Variants in CTNNA3 observed in about 807,000 individuals in gnomAD.
CTNNA3 encodes catenin alpha-3.
A neutral mutation model predicts 95.7 loss-of-function variants in CTNNA3; 76 were observed. The ratio of observed to expected loss-of-function variants is 0.79; its 90% CI spans 0.66 to 0.96. The LOEUF (loss-of-function observed/expected upper bound fraction) is 0.96. Among genes scored for constraint, CTNNA3 ranks in the 40% least tolerant of loss-of-function variants. CTNNA3 has a pLI of 0.00. For synonymous variants in CTNNA3, 431 were observed against 374.4 expected, an observed-to-expected ratio of 1.15 and a Z score of -1.74; for missense variants, 1,191 against 1,089.8, an observed-to-expected ratio of 1.09 and a Z score of -1.31.
intron 13 of CTNNA3, among the ~76,000 whole-genome samples, chr10:66,271,379 T>A (rs1454518623): frequency 6.6e-6 from 1 of 152,210 alleles, no homozygotes; most frequent in Non-Finnish European, 1.5e-5. Flanking sequence ...AGAAACTTTA[T>A]GTTTGAAGAG....
intron 13 of CTNNA3, among the ~76,000 whole-genome samples, chr10:66,116,917 C>A (rs944105315): frequency 1.3e-5 from 2 of 152,080 alleles, no homozygotes; most frequent in South Asian, 4.1e-4. Flanking sequence ...GGGGGAAGTC[C>A]GCACACACGA....
chr10:66,441,061 C>T (rs2093372050), intron 11 of CTNNA3, among the ~76,000 whole-genome samples: 1 of 152,096 alleles, frequency 6.6e-6, no homozygotes, highest in Non-Finnish European at 1.5e-5. Context: ...GGGTTGGGTG[C>T]CATGGCTCAC....
rs559938624 is a variant in CTNNA3 at position 66,943,673 on chromosome 10, G to A, written c.1048-168149C>T. ...AAACATGCTACTTAAACATAGTTTT[G>A]TACTTTTGTACAGCAGGGGAAAACA... On this transcript the variant is annotated intron_variant, in intron 7 of 17. Coordinates refer to ENST00000433211, the MANE Select transcript of CTNNA3 (RefSeq NM_013266.4). Among the ~76,000 whole-genome samples the A allele has an allele frequency of 3.3e-5, 5 of 152,112 alleles. No homozygotes were observed. In the East Asian group the frequency reaches 9.7e-4, roughly 29 times the overall value.
intron 5 of CTNNA3, among the ~76,000 whole-genome samples, chr10:67,240,660 A>G (rs2132330654): frequency 6.6e-6 from 1 of 152,288 alleles, no homozygotes; most frequent in South Asian, 2.1e-4. Context: ...AAACTGAGAA[A>G]CCATATCATA....
At chr10:65,933,529 A>C (rs1392855225) in intron 17 of CTNNA3, among the ~76,000 whole-genome samples, 1 of 152,176 alleles carries the variant, frequency 6.6e-6, no homozygotes. Flanking sequence ...CTGCATGTGA[A>C]TGTGCATCAT....
At chr10:67,047,352 G>A (rs1175219506) in intron 7 of CTNNA3, among the ~76,000 whole-genome samples, 2 of 152,186 alleles carry the variant, frequency 1.3e-5, no homozygotes, top group Non-Finnish European at 1.5e-5. Flanking sequence ...GGAGGAGACT[G>A]TGTCTGTTAA....
rs573698410 is a variant in CTNNA3, at chr10:66,497,539, C to T, written c.1531+23078G>A. On this transcript the variant is annotated intron_variant, in intron 11 of 17. Coordinates refer to ENST00000433211, the MANE Select transcript of CTNNA3 (RefSeq NM_013266.4). Reference sequence around the variant, plus strand: ...GCTAATTTTTCATTTAATTATAATTCATTTCACCATATTGAGATAACTGTA... The same window carrying T: ...GCTAATTTTTCATTTAATTATAATTTATTTCACCATATTGAGATAACTGTA... 5.3e-5 allele frequency among the ~76,000 whole-genome samples: 8 copies of T among 151,982 alleles called. No individual in the cohort carries two copies. The South Asian group carries it at 1.0e-3, about 20-fold the overall frequency.
At chr10:66,480,735 G>A (rs902042705) in intron 11 of CTNNA3, among the ~76,000 whole-genome samples, 2 of 152,074 alleles carry the variant, frequency 1.3e-5, no homozygotes, top group African/African-American at 2.4e-5. Flanking sequence ...CTCCTGAGTA[G>A]CTGGGACTAC....
intron 10 of CTNNA3, among the ~76,000 whole-genome samples, chr10:66,611,922 T>C (rs1476920507): frequency 6.6e-6 from 1 of 152,188 alleles, no homozygotes. Context: ...CACATCTATA[T>C]GAATGGTCAC....
chr10:66,681,243 G>T (rs1847057683), intron 9 of CTNNA3, among the ~76,000 whole-genome samples: 1 of 152,246 alleles, frequency 6.6e-6, no homozygotes, highest in Admixed American at 6.5e-5. Flanking sequence ...ATAGGACTTT[G>T]GGGAGTGACT....
Position 67,735,255 on chromosome 10 carries a change from G to C in CTNNA3, c.-2+28179C>G, listed in dbSNP as rs1299570262. ...GGCACATTAACATATATCAAGTCTG[G>C]GAAAGAGTATATGTGCAAAACAGGA... On this transcript the variant is annotated intron_variant, in intron 1 of 17. Transcript: ENST00000684154. Among the ~76,000 whole-genome samples, 12 of 151,618 alleles carry C rather than the reference G, an allele frequency of 7.9e-5. No homozygotes were observed. The South Asian group carries it at 2.5e-3, about 31-fold the overall frequency.
chr10:67,058,457 A>T (rs1260242647), intron 7 of CTNNA3, among the ~76,000 whole-genome samples: 1 of 152,244 alleles, frequency 6.6e-6, no homozygotes, highest in Non-Finnish European at 1.5e-5. Flanking sequence ...GCAGTAAATT[A>T]GCAGTAAACA....
At chr10:66,438,169 C>A (rs925843597) in intron 11 of CTNNA3, among the ~76,000 whole-genome samples, 1 of 152,146 alleles carries the variant, frequency 6.6e-6, no homozygotes. Flanking sequence ...TCAGGAGGCA[C>A]CGGGTTCAGG....
intron 13 of CTNNA3, among the ~76,000 whole-genome samples, chr10:66,188,595 C>CTCTGTGTGTGTG (rs1554883578): frequency 2.5e-5 from 3 of 121,036 alleles, no homozygotes; most frequent in Non-Finnish European, 4.9e-5. Context: ...GGGGGGGTCT[C>CTCTGTGTGTGTG]TGTGTGTGTG....
intron 17 of CTNNA3, among the ~76,000 whole-genome samples, chr10:65,956,659 C>T (rs1288152982): frequency 1.3e-5 from 2 of 152,138 alleles, no homozygotes; most frequent in African/African-American, 4.8e-5. Flanking sequence ...AGTAGTCATC[C>T]AGGAGCAGGT....
chr10:66,744,730 A>G (rs1159617049), intron 9 of CTNNA3, among the ~76,000 whole-genome samples: 2 of 152,172 alleles, frequency 1.3e-5, no homozygotes, highest in African/African-American at 4.8e-5. Context: ...TCTAATCCAT[A>G]CCCCTAAAAT....
chr10:66,916,379 A>G (rs1327104842), intron 7 of CTNNA3, among the ~76,000 whole-genome samples: 3 of 152,236 alleles, frequency 2.0e-5, no homozygotes, highest in African/African-American at 7.2e-5. Flanking sequence ...AAAATATTAT[A>G]AGAATTAAAC....
chr10:67,084,371 A>C (rs1339387436), intron 7 of CTNNA3, among the ~76,000 whole-genome samples: 2 of 152,002 alleles, frequency 1.3e-5, no homozygotes, highest in African/African-American at 4.8e-5. Flanking sequence ...CAAGTTAAAA[A>C]TTTTTATATT....
At chr10:66,383,361 A>G (rs2092858312) in intron 11 of CTNNA3, among the ~76,000 whole-genome samples, 1 of 152,214 alleles carries the variant, frequency 6.6e-6, no homozygotes, top group Non-Finnish European at 1.5e-5. Context: ...TGAAGATCAA[A>G]TTAATGAAAT....
Sources: gnomAD v4.1 joint callset for allele counts (sites outside exome capture counted in the v4.1 genomes callset) on GRCh38, gnomAD v4.1.1 for gene constraint, MANE v1.5 for transcripts, NCBI Gene and HGNC (gene_info 2026-07-23, HGNC 2026-07-21) for gene names.